Variants in INPP4B observed in about 807,000 individuals in gnomAD.
The protein encoded by INPP4B is inositol polyphosphate-4-phosphatase type II B.
Under a neutral mutation model 122.5 loss-of-function variants are expected in INPP4B, and 55 were observed. The observed-to-expected ratio is 0.45, with a 90% CI of 0.36 to 0.56. INPP4B has a LOEUF of 0.56. INPP4B is among the 20% of genes least tolerant of loss of function. The pLI, the probability that INPP4B is intolerant of heterozygous loss-of-function variation, is 0.00. For synonymous variants in INPP4B, 403 were observed against 388.7 expected (o/e 1.04, Z -0.43); for missense variants, 1,000 against 1,097.7 (o/e 0.91, Z 1.26).
chr4:142,494,959 C>T (rs956253664), intron 2 of INPP4B, among the ~76,000 whole-genome samples: 1 of 152,080 alleles, frequency 6.6e-6, no homozygotes, highest in African/African-American at 2.4e-5. Context: ...ATGTCTGTTG[C>T]CCAACAACTG....
intron 2 of INPP4B, among the ~76,000 whole-genome samples, chr4:142,526,851 T>C (rs1036980394): frequency 1.9e-5 from 1 of 53,850 alleles, no homozygotes; most frequent in Non-Finnish European, 6.2e-5. Flanking sequence ...TAAAACCTAT[T>C]TTAAAATTCT....
intron 2 of INPP4B, among the ~76,000 whole-genome samples, chr4:142,491,471 T>C (rs1821862027): frequency 6.6e-6 from 1 of 152,036 alleles, no homozygotes. Flanking sequence ...CTGACCAACA[T>C]GGTGAAATCC....
intron 2 of INPP4B, among the ~76,000 whole-genome samples, chr4:142,707,387 A>G (rs1192879940): frequency 6.6e-6 from 1 of 152,052 alleles, no homozygotes; most frequent in East Asian, 1.9e-4. Flanking sequence ...CTCCTTAGTT[A>G]TGTCTTTCTG....
chr4:142,432,170 TA>T (rs1237356891), intron 3 of INPP4B, among the ~76,000 whole-genome samples: 1 of 152,112 alleles, frequency 6.6e-6, no homozygotes, highest in Non-Finnish European at 1.5e-5. Flanking sequence ...ATAAATTTTT[TA>T]AAAAATCAAT....
chr4:142,144,938 G>C (rs1051127802), intron 18 of INPP4B, among the ~76,000 whole-genome samples: 12 of 151,898 alleles, frequency 7.9e-5, no homozygotes, highest in Admixed American at 7.2e-4. Flanking sequence ...GTAAAAGAAA[G>C]AACAGATTTC....
intron 2 of INPP4B, among the ~76,000 whole-genome samples, chr4:142,706,426 G>A (rs1043869167): frequency 2.0e-5 from 3 of 152,106 alleles, no homozygotes; most frequent in Non-Finnish European, 4.4e-5. Flanking sequence ...CAATAAGTTC[G>A]GTTGCTTAAT....
At chr4:142,776,641 T>C (rs1032747158) in intron 1 of INPP4B, among the ~76,000 whole-genome samples, 3 of 152,116 alleles carry the variant, frequency 2.0e-5, no homozygotes, top group African/African-American at 4.8e-5. Context: ...TCTTAGAAAA[T>C]AGACACCCAA....
chr4:142,130,856 G>A (rs191175908), intron 18 of INPP4B, among the ~76,000 whole-genome samples: 1 of 152,272 alleles, frequency 6.6e-6, no homozygotes, highest in East Asian at 1.9e-4. Flanking sequence ...AACCTTGTTT[G>A]TTTAAACCCT....
chr4:142,139,302 A>AATT (rs149940996), intron 18 of INPP4B, among the ~76,000 whole-genome samples: 22,102 of 151,304 alleles, frequency 0.15, 1,867 homozygotes, highest in African/African-American at 0.22. Context: ...TCTAGTCTTT[A>AATT]ATTATTATTA....
chr4:142,784,404 T>TAAAA (rs1466462416), intron 1 of INPP4B, among the ~76,000 whole-genome samples: 2 of 146,716 alleles, frequency 1.4e-5, no homozygotes, highest in South Asian at 2.1e-4. Flanking sequence ...AATAAATAAA[T>TAAAA]AAATAAAAAT....
intron 1 of INPP4B, among the ~76,000 whole-genome samples, chr4:142,836,739 C>CACACACACACAG (rs1467612321): frequency 1.3e-5 from 2 of 151,962 alleles, no homozygotes; most frequent in African/African-American, 4.8e-5. Context: ...CACACACACA[C>CACACACACACAG]ACACACAAGA....
intron 7 of INPP4B, among the ~76,000 whole-genome samples, chr4:142,345,505 A>G (rs1780009115): frequency 6.6e-6 from 1 of 152,012 alleles, no homozygotes; most frequent in Admixed American, 6.6e-5. Context: ...GTGTGGTTAA[A>G]TGGGTGTAGT....
At chr4:142,269,363 A>G (rs1310943937) in intron 10 of INPP4B, among the ~76,000 whole-genome samples, 1 of 151,568 alleles carries the variant, frequency 6.6e-6, no homozygotes, top group African/African-American at 2.4e-5. Context: ...AGTCCTCAAA[A>G]CCCTCTTTGG....
chr4:142,524,783 A>G (rs1580282731), intron 2 of INPP4B, among the ~76,000 whole-genome samples: 1 of 151,930 alleles, frequency 6.6e-6, no homozygotes, highest in East Asian at 1.9e-4. Context: ...CCAATATCAT[A>G]CTGAATGGGC....
Position 142,408,786 on chromosome 4 carries a change from C to A in INPP4B, c.137-3462G>T, listed in dbSNP as rs144864113. On this transcript the variant is annotated intron_variant, in intron 5 of 25. Coordinates refer to ENST00000262992, the MANE Select transcript of INPP4B (RefSeq NM_001101669.3). The stretch of plus-strand genomic sequence containing the variant: ...AATGCTACTGCAATCCTTCATTCAT[C>A]AGTAGATTTTTAATTTCTGCCTTCT... Among the ~76,000 whole-genome samples the A allele has an allele frequency of 3.9e-3, 593 of 152,222 alleles. 4 individuals carry two copies. The highest frequency in any genetic ancestry group is 0.013 in the African/African-American group (550 of 41,546).
At chr4:142,723,510 T>C (rs1347602601) in intron 2 of INPP4B, among the ~76,000 whole-genome samples, 2 of 152,128 alleles carry the variant, frequency 1.3e-5, no homozygotes, top group African/African-American at 4.8e-5. Flanking sequence ...CTATAACTTA[T>C]AACCAATAAC....
intron 7 of INPP4B, among the ~76,000 whole-genome samples, chr4:142,332,510 AG>A (rs1774917366): frequency 2.0e-5 from 3 of 152,108 alleles, no homozygotes. Flanking sequence ...GGGAAAAAAA[AG>A]CATATATAGT....
intron 10 of INPP4B, among the ~76,000 whole-genome samples, chr4:142,264,776 A>G (rs1048745345): frequency 1.3e-5 from 2 of 152,208 alleles, no homozygotes; most frequent in Non-Finnish European, 2.9e-5. Flanking sequence ...TCCAAAGTTC[A>G]TATGTTGAGG....
intron 7 of INPP4B, among the ~76,000 whole-genome samples, chr4:142,343,868 A>G (rs1018899807): frequency 9.9e-5 from 15 of 152,116 alleles, no homozygotes; most frequent in Non-Finnish European, 2.1e-4. Context: ...AAGTGATAAT[A>G]TATGTGAAAG....
Sources: allele counts gnomAD v4.1 joint callset (sites outside exome capture counted in the v4.1 genomes callset), GRCh38; gene constraint gnomAD v4.1.1; transcripts MANE v1.5; gene names NCBI Gene and HGNC (gene_info 2026-07-23, HGNC 2026-07-21).